Variants in FAM163A observed in about 807,000 individuals in gnomAD.
The protein encoded by FAM163A is family with sequence similarity 163 member A, also known as protein FAM163A.
Under a neutral mutation model 12.0 loss-of-function variants are expected in FAM163A, and 7 were observed. The ratio of observed to expected loss-of-function variants is 0.58; its 90% CI spans 0.33 to 1.10. The LOEUF is 1.10. Ranked by LOEUF, FAM163A falls within the 50% of genes least tolerant of loss-of-function variation. The probability of loss-of-function intolerance (pLI) is 0.03; values close to 1 mark genes in which losing one functional copy is unlikely to be tolerated. For missense variants in FAM163A, 202 were observed against 218.6 expected (o/e 0.92, Z 0.48); for synonymous variants, 101 against 91.0 (o/e 1.11, Z -0.62).
At chr1:179,751,249 C>T (rs1012385988) in intron 1 of FAM163A, among the ~76,000 whole-genome samples, 1 of 151,522 alleles carries the variant, frequency 6.6e-6, no homozygotes, top group African/African-American at 2.4e-5. Flanking sequence ...GGGTGGGCTT[C>T]GAAGAGAAGG....
intron 1 of FAM163A, among the ~76,000 whole-genome samples, chr1:179,777,457 A>G (rs989378201): frequency 6.6e-6 from 1 of 152,168 alleles, no homozygotes; most frequent in Non-Finnish European, 1.5e-5. Context: ...GCTCCGTGAG[A>G]TCAGCCTTCG....
intron 1 of FAM163A, among the ~76,000 whole-genome samples, chr1:179,793,754 A>G (rs3892028): frequency 6.2e-4 from 94 of 152,384 alleles, no homozygotes; most frequent in African/African-American, 1.9e-3. Flanking sequence ...CTCTTGAAAG[A>G]AAGCAACAGC....
At chr1:179,812,869 G>C (rs952982769) in intron 3 of FAM163A, among the ~76,000 whole-genome samples, 4 of 152,166 alleles carry the variant, frequency 2.6e-5, no homozygotes, top group African/African-American at 9.7e-5. Context: ...TTTGAAACTG[G>C]GTACTCAACT....
chr1:179,759,791 C>G (rs1220679159), intron 1 of FAM163A, among the ~76,000 whole-genome samples: 1 of 152,142 alleles, frequency 6.6e-6, no homozygotes, highest in South Asian at 2.1e-4. Flanking sequence ...CTCAGCCTCC[C>G]GAGTAGCTGG....
chr1:179,762,949 A>C (rs1687009510), intron 1 of FAM163A, among the ~76,000 whole-genome samples: 1 of 152,224 alleles, frequency 6.6e-6, no homozygotes, highest in Admixed American at 6.5e-5. Context: ...ACAAAAGACA[A>C]ATCGACAGGA....
At chr1:179,740,457 G>A (rs2487738), upstream of FAM163A, among the ~76,000 whole-genome samples, 92,976 of 151,858 alleles carry the variant, frequency 0.61, 29,289 homozygotes, top group East Asian at 0.96. Context: ...TAATACCCCT[G>A]AAACTGGGGA....
intron 1 of FAM163A, among the ~76,000 whole-genome samples, chr1:179,774,453 A>G (rs1688675080): frequency 6.6e-6 from 1 of 152,174 alleles, no homozygotes; most frequent in African/African-American, 2.4e-5. Context: ...AGAATTCCCT[A>G]TGTGCTTTTT....
intron 1 of FAM163A, among the ~76,000 whole-genome samples, chr1:179,748,354 C>G (rs1275030421): frequency 6.6e-6 from 1 of 152,176 alleles, no homozygotes; most frequent in Non-Finnish European, 1.5e-5. Flanking sequence ...TCAGGTAGGG[C>G]TGCCAGAACC....
chr1:179,769,494 T>C (rs1180740292), intron 1 of FAM163A, among the ~76,000 whole-genome samples: 1 of 152,180 alleles, frequency 6.6e-6, no homozygotes, highest in African/African-American at 2.4e-5. Flanking sequence ...TTTGGATAGG[T>C]CACACCTGCC....
intron 1 of FAM163A, among the ~76,000 whole-genome samples, chr1:179,807,494 C>T (rs957564282): frequency 5.9e-5 from 9 of 152,200 alleles, no homozygotes; most frequent in African/African-American, 1.9e-4. Flanking sequence ...CGCCCTGCCC[C>T]ACTCGCCGTC....
chr1:179,734,923 G>C, the FAM163A span, among the ~76,000 whole-genome samples: 1 of 152,258 alleles, frequency 6.6e-6, no homozygotes, highest in Admixed American at 6.5e-5. Flanking sequence ...GGGAGACTAG[G>C]TTGACATTTG....
Position 179,778,816 on chromosome 1 carries a change from A to G in FAM163A, c.-135-28982A>G, listed in dbSNP as rs556139135. Among the ~76,000 whole-genome samples, 108 of 152,326 alleles carry G rather than the reference A, an allele frequency of 7.1e-4. 1 individual carries two copies. In the South Asian group the frequency reaches 0.017, roughly 24 times the overall value. On this transcript the variant is annotated intron_variant, in intron 1 of 4. Coordinates refer to ENST00000341785, the MANE Select transcript of FAM163A (RefSeq NM_173509.3). ...AGGAAATAGGTGCCAAGGGGCTTGT[A>G]GTGGGGCTGGGTGCAACCCACCTAG...
chr1:179,813,278 C>T, intron 4 of FAM163A, 88 bp downstream of exon 4: 1 of 1,227,074 alleles, frequency 8.1e-7, no homozygotes, highest in Non-Finnish European at 1.2e-6. Flanking sequence ...AGGCCGACTT[C>T]AGGGCCCACA....
At chr1:179,789,864 C>G (rs1691193664) in intron 1 of FAM163A, among the ~76,000 whole-genome samples, 1 of 152,106 alleles carries the variant, frequency 6.6e-6, no homozygotes, top group Middle Eastern at 3.2e-3. Context: ...ATAAAGCAAC[C>G]ATATTTTGGG....
chr1:179,742,452 G>T (rs1269236165), upstream of FAM163A: 1 of 152,220 alleles, frequency 6.6e-6, no homozygotes, highest in African/African-American at 2.4e-5. Context: ...TGTCCTCGCT[G>T]TCTTCAGTCC....
Position 179,783,197 on chromosome 1 carries a change from A to G in FAM163A, c.-135-24601A>G, listed in dbSNP as rs1251971644. Among the ~76,000 whole-genome samples the G allele has an allele frequency of 6.6e-5, 10 of 152,278 alleles. No homozygotes were observed. In the East Asian group the frequency reaches 1.9e-3, roughly 29 times the overall value. ...AAATGCAGAATGCCAAACTGTACAG[A>G]CAGCATAGTCTCAACTATCTGAAGA... On this transcript the variant is annotated intron_variant, in intron 1 of 4. Transcript: ENST00000341785.
intron 1 of FAM163A, among the ~76,000 whole-genome samples, chr1:179,771,888 C>T (rs1265556140): frequency 1.3e-5 from 2 of 152,146 alleles, no homozygotes; most frequent in East Asian, 3.9e-4. Context: ...ACCCCTCAGC[C>T]TGCCTGGGCT....
upstream of FAM163A, among the ~76,000 whole-genome samples, chr1:179,740,988 G>A (rs569771652): frequency 2.2e-4 from 34 of 152,224 alleles, no homozygotes; most frequent in South Asian, 6.2e-4. Context: ...TTTAAAAAGC[G>A]ACTCTTGATC....
the FAM163A span, among the ~76,000 whole-genome samples, chr1:179,737,326 A>G: frequency 6.6e-6 from 1 of 152,196 alleles, no homozygotes; most frequent in Non-Finnish European, 1.5e-5. Flanking sequence ...AGCAGAAAAT[A>G]AATAGTGGTT....
Sources: allele counts gnomAD v4.1 joint callset (sites outside exome capture counted in the v4.1 genomes callset), GRCh38; gene constraint gnomAD v4.1.1; transcripts MANE v1.5; gene names NCBI Gene and HGNC (gene_info 2026-07-23, HGNC 2026-07-21).